Variants in ARHGAP28 observed in about 807,000 individuals in gnomAD.
ARHGAP28 encodes Rho GTPase activating protein 28.
ARHGAP28 carries 56 observed loss-of-function variants against 90.7 expected under a neutral mutation model. That is an observed-to-expected ratio of 0.62 (90% confidence interval 0.50 to 0.77). The LOEUF (loss-of-function observed/expected upper bound fraction) is 0.77. Ranked by LOEUF, ARHGAP28 falls within the 30% of genes least tolerant of loss-of-function variation. The pLI is 0.00. For missense variants in ARHGAP28, 869 were observed against 900.9 expected (o/e 0.96, Z 0.45); for synonymous variants, 308 against 323.3 (o/e 0.95, Z 0.51).
intron 1 of ARHGAP28, among the ~76,000 whole-genome samples, chr18:6,733,366 T>C (rs773206761): frequency 6.6e-6 from 1 of 152,198 alleles, no homozygotes; most frequent in Non-Finnish European, 1.5e-5. Context: ...TTTAAAATAC[T>C]GTTATACATA....
intron 3 of ARHGAP28, among the ~76,000 whole-genome samples, chr18:6,839,893 A>G (rs1489286134): frequency 6.6e-6 from 1 of 152,206 alleles, no homozygotes; most frequent in African/African-American, 2.4e-5. Flanking sequence ...TGTTCATTCG[A>G]AATTCATCTT....
At chr18:6,757,814 A>G (rs1329278016) in intron 1 of ARHGAP28, among the ~76,000 whole-genome samples, 2 of 152,140 alleles carry the variant, frequency 1.3e-5, no homozygotes, top group Non-Finnish European at 2.9e-5. Context: ...TCCAGCATCC[A>G]GTAGAATAAA....
chr18:6,887,087 C>G, intron 11 of ARHGAP28, 70 bp from the exon 12 acceptor site: 1 of 1,391,790 alleles, frequency 7.2e-7, no homozygotes, highest in Non-Finnish European at 1.0e-6. Context: ...CCACCAGATG[C>G]TAGCAAGAAA....
At chr18:6,760,121 C>T (rs2056146689) in intron 1 of ARHGAP28, among the ~76,000 whole-genome samples, 2 of 152,290 alleles carry the variant, frequency 1.3e-5, no homozygotes, top group Non-Finnish European at 2.9e-5. Flanking sequence ...AACACACACA[C>T]ACACACAAAC....
intron 16 of ARHGAP28, among the ~76,000 whole-genome samples, chr18:6,902,983 A>G (rs546602003): frequency 6.6e-6 from 1 of 152,346 alleles, no homozygotes; most frequent in South Asian, 2.1e-4. Context: ...ATTCAGCCAT[A>G]AAAAGGAAAG....
intron 2 of ARHGAP28, 22 bp from the exon 3 acceptor site, chr18:6,837,175 T>A: frequency 6.6e-7 from 1 of 1,522,876 alleles, no homozygotes. Flanking sequence ...TCTAACCCTC[T>A]CTTGGTAATG....
chr18:6,835,713 T>G (rs2143846946), intron 2 of ARHGAP28, among the ~76,000 whole-genome samples: 1 of 152,310 alleles, frequency 6.6e-6, no homozygotes, highest in Non-Finnish European at 1.5e-5. Flanking sequence ...TCCTTATATT[T>G]CTATATATTG....
chr18:6,827,291 G>T (rs1346265120), intron 2 of ARHGAP28, among the ~76,000 whole-genome samples: 3 of 150,856 alleles, frequency 2.0e-5, no homozygotes, highest in Admixed American at 1.3e-4. Context: ...TCACCTCCCG[G>T]ACGGGGCGGC....
chr18:6,880,105 A>C (rs2057165692), intron 10 of ARHGAP28, among the ~76,000 whole-genome samples: 1 of 152,164 alleles, frequency 6.6e-6, no homozygotes, highest in Non-Finnish European at 1.5e-5. Context: ...CCTTTGCTTT[A>C]CTGCAGTGGT....
chr18:6,852,036 C>A (rs1206349269), intron 4 of ARHGAP28, among the ~76,000 whole-genome samples: 1 of 152,150 alleles, frequency 6.6e-6, no homozygotes, highest in African/African-American at 2.4e-5. Flanking sequence ...GTTACTTATA[C>A]TTTATGTACA....
chr18:6,750,344 A>G (rs923848795), intron 1 of ARHGAP28, among the ~76,000 whole-genome samples: 2 of 152,118 alleles, frequency 1.3e-5, no homozygotes, highest in African/African-American at 2.4e-5. Flanking sequence ...TTGTGGTAAA[A>G]TATACATTCC....
At chr18:6,904,966 C>T (rs2057357513) in intron 16 of ARHGAP28, among the ~76,000 whole-genome samples, 1 of 152,082 alleles carries the variant, frequency 6.6e-6, no homozygotes, top group South Asian at 2.1e-4. Flanking sequence ...CAGATGGTTT[C>T]ACTGGAGAAT....
intron 1 of ARHGAP28, among the ~76,000 whole-genome samples, chr18:6,766,554 G>C (rs1600164573): frequency 1.3e-5 from 2 of 152,176 alleles, no homozygotes; most frequent in Middle Eastern, 6.8e-3. Flanking sequence ...TACTAAACGG[G>C]GCTGATACAG....
chr18:6,730,462 A>G (rs533308896), intron 1 of ARHGAP28, among the ~76,000 whole-genome samples: 1 of 152,286 alleles, frequency 6.6e-6, no homozygotes, highest in South Asian at 2.1e-4. Flanking sequence ...TTTTATTTCT[A>G]CATGTTAAAA....
intron 1 of ARHGAP28, among the ~76,000 whole-genome samples, chr18:6,785,515 T>C (rs955017376): frequency 2.6e-5 from 4 of 152,196 alleles, no homozygotes; most frequent in African/African-American, 9.7e-5. Context: ...CACAGTTGCT[T>C]CCTCCTCTTT....
chr18:6,889,994 G>T lies in ARHGAP28; in HGVS notation c.1643G>T (p.Ser548Ile), dbSNP rs370508108. Residue 548 changes from serine (S) to isoleucine (I), a missense_variant, in exon 13 of 18, where the codon AGC (serine) becomes ATC (isoleucine). Physicochemically the swap from Ser to Ile is moderately radical, Grantham distance 142. Transcript: ENST00000383472. ...GCACCAAACCTTTTCTTCAGTAGAA[G>T]CAAACACTCTGATTATGAAGAATTA... ...VMAPNLFFSRSKHSDYEELLL... is the reference protein window; with the variant it reads ...VMAPNLFFSRIKHSDYEELLL... The T allele has an allele frequency of 1.8e-5, 29 of 1,614,038 alleles. No homozygotes were observed. Among genetic ancestry groups the T allele is most frequent in the Middle Eastern group, 1.6e-4 (1 of 6,084 alleles).
At chr18:6,893,468 G>C (rs897452633) in intron 14 of ARHGAP28, among the ~76,000 whole-genome samples, 1 of 152,202 alleles carries the variant, frequency 6.6e-6, no homozygotes, top group African/African-American at 2.4e-5. Flanking sequence ...GTTTTTGCCA[G>C]TTCATCCATT....
chr18:6,731,275 A>AAT (rs1477776691), intron 1 of ARHGAP28, among the ~76,000 whole-genome samples: 1 of 143,516 alleles, frequency 7.0e-6, no homozygotes. Context: ...TAACTAAATA[A>AAT]ATATATATAT....
chr18:6,895,259 G>A (rs566801826), intron 15 of ARHGAP28, among the ~76,000 whole-genome samples: 18 of 151,862 alleles, frequency 1.2e-4, no homozygotes, highest in African/African-American at 4.1e-4. Context: ...CAATGAGCCT[G>A]GGACTTGGCT....
Sources: gnomAD v4.1 joint callset for allele counts (sites outside exome capture counted in the v4.1 genomes callset) on GRCh38, gnomAD v4.1.1 for gene constraint, MANE v1.5 for transcripts, NCBI Gene and HGNC (gene_info 2026-07-23, HGNC 2026-07-21) for gene names.